Variants in PAPPA2 observed in about 807,000 individuals in gnomAD.
PAPPA2 encodes the protein pappalysin-2.
A neutral mutation model predicts 176.4 loss-of-function variants in PAPPA2; 86 were observed. The observed-to-expected ratio is 0.49, with a 90% CI of 0.41 to 0.58. The LOEUF (loss-of-function observed/expected upper bound fraction) is 0.58. PAPPA2 is among the 20% of genes least tolerant of loss of function. The probability of loss-of-function intolerance (pLI) is 0.00; values close to 1 mark genes in which losing one functional copy is unlikely to be tolerated. For synonymous variants in PAPPA2, 809 were observed against 852.2 expected, an observed-to-expected ratio of 0.95 and a Z score of 0.88; for missense variants, 2,073 against 2,256.9, an observed-to-expected ratio of 0.92 and a Z score of 1.65.
intron 12 of PAPPA2, among the ~76,000 whole-genome samples, chr1:176,720,344 C>A (rs1033358281): frequency 6.6e-6 from 1 of 151,826 alleles, no homozygotes; most frequent in Non-Finnish European, 1.5e-5. Flanking sequence ...TTTAACTTTT[C>A]TTTGTAATCA....
chr1:176,794,636 C>G (rs1665343172), intron 20 of PAPPA2, among the ~76,000 whole-genome samples: 1 of 152,116 alleles, frequency 6.6e-6, no homozygotes, highest in East Asian at 1.9e-4. Context: ...GAACTAATGG[C>G]TATTCACTGT....
intron 2 of PAPPA2, among the ~76,000 whole-genome samples, chr1:176,564,426 A>G (rs1651843212): frequency 1.3e-5 from 2 of 152,332 alleles, no homozygotes; most frequent in African/African-American, 4.8e-5. Context: ...ATGTAAACAC[A>G]TTTCTATGCC....
At chr1:176,487,165 C>A (rs1652682117) in intron 1 of PAPPA2, among the ~76,000 whole-genome samples, 1 of 151,054 alleles carries the variant, frequency 6.6e-6, no homozygotes, top group South Asian at 2.1e-4. Flanking sequence ...TATTAAGAAT[C>A]AGCAAAATAA....
chr1:176,734,456 C>T (rs1181524745), intron 12 of PAPPA2, among the ~76,000 whole-genome samples: 1 of 151,710 alleles, frequency 6.6e-6, no homozygotes, highest in South Asian at 2.1e-4. Flanking sequence ...CTTTCTTATA[C>T]TATGAAGGAA....
chr1:176,530,922 AC>A (rs1649774708), intron 1 of PAPPA2, among the ~76,000 whole-genome samples: 1 of 152,166 alleles, frequency 6.6e-6, no homozygotes, highest in Admixed American at 6.5e-5. Flanking sequence ...TTTTATCCCT[AC>A]ATTTGTACAT....
chr1:176,705,098 A>C (rs1431463434), intron 9 of PAPPA2, among the ~76,000 whole-genome samples: 1 of 152,168 alleles, frequency 6.6e-6, no homozygotes, highest in Non-Finnish European at 1.5e-5. Flanking sequence ...ATGAAGGTTA[A>C]TCCTCTCTCC....
chr1:176,586,651 C>G (rs1653329180), intron 2 of PAPPA2, among the ~76,000 whole-genome samples: 1 of 152,208 alleles, frequency 6.6e-6, no homozygotes. Flanking sequence ...CATAGTATTC[C>G]ATGGTGTATA....
chr1:176,795,448 A>G (rs1452681135), intron 20 of PAPPA2, among the ~76,000 whole-genome samples: 1 of 152,196 alleles, frequency 6.6e-6, no homozygotes, highest in Non-Finnish European at 1.5e-5. Flanking sequence ...TGTTAAGTTG[A>G]ATTTTTATGA....
intron 3 of PAPPA2, among the ~76,000 whole-genome samples, chr1:176,642,201 A>G (rs953676610): frequency 6.6e-6 from 1 of 151,948 alleles, no homozygotes; most frequent in African/African-American, 2.4e-5. Flanking sequence ...AGGCATGATT[A>G]TTAGTTGTCT....
At chr1:176,542,566 C>G (rs1402638497) in intron 1 of PAPPA2, among the ~76,000 whole-genome samples, 1 of 152,216 alleles carries the variant, frequency 6.6e-6, no homozygotes, top group African/African-American at 2.4e-5. Context: ...GTCTACCAAG[C>G]CTGCCCCCTC....
At chr1:176,466,281 A>G (rs1023459698) in intron 1 of PAPPA2, among the ~76,000 whole-genome samples, 1 of 152,156 alleles carries the variant, frequency 6.6e-6, no homozygotes, top group Non-Finnish European at 1.5e-5. Flanking sequence ...GCTACTGTGG[A>G]AGGATTCTTG....
intron 3 of PAPPA2, among the ~76,000 whole-genome samples, chr1:176,622,284 A>G (rs1047607975): frequency 6.6e-6 from 1 of 152,220 alleles, no homozygotes; most frequent in Non-Finnish European, 1.5e-5. Context: ...TAAATATTTT[A>G]CATTTATTTC....
At chr1:176,599,151 GTA>G (rs1284878195) in intron 3 of PAPPA2, among the ~76,000 whole-genome samples, 2 of 150,640 alleles carry the variant, frequency 1.3e-5, no homozygotes, top group Non-Finnish European at 1.5e-5. Context: ...GTGTGTGTGT[GTA>G]TATATATATA....
At chr1:176,485,683 C>T (rs1489578533) in intron 1 of PAPPA2, among the ~76,000 whole-genome samples, 1 of 152,024 alleles carries the variant, frequency 6.6e-6, no homozygotes, top group Non-Finnish European at 1.5e-5. Flanking sequence ...TTTATTTTGC[C>T]ACTGATGCAT....
chr1:176,680,373 T>C (rs1659523788), intron 4 of PAPPA2, among the ~76,000 whole-genome samples: 1 of 152,202 alleles, frequency 6.6e-6, no homozygotes, highest in South Asian at 2.1e-4. Context: ...TTTTATACTA[T>C]TGTAACATAT....
intron 1 of PAPPA2, among the ~76,000 whole-genome samples, chr1:176,499,630 C>G (rs1224517919): frequency 1.3e-5 from 2 of 152,072 alleles, no homozygotes; most frequent in African/African-American, 2.4e-5. Flanking sequence ...GAGGGGAGAC[C>G]ATGGTGAACA....
chr1:176,511,180 T>A (rs1040436169), intron 1 of PAPPA2, among the ~76,000 whole-genome samples: 3 of 152,218 alleles, frequency 2.0e-5, no homozygotes, highest in African/African-American at 7.2e-5. Context: ...AATAAAAGGA[T>A]GGAAAAAATA....
chr1:176,545,820 C>T (rs1650605324), intron 1 of PAPPA2, among the ~76,000 whole-genome samples: 1 of 152,142 alleles, frequency 6.6e-6, no homozygotes, highest in Admixed American at 6.6e-5. Flanking sequence ...CTTTTTCAGT[C>T]ATAATTATTT....
chr1:176,799,187 C>T (rs942276302), intron 20 of PAPPA2, among the ~76,000 whole-genome samples: 11 of 152,090 alleles, frequency 7.2e-5, no homozygotes, highest in Admixed American at 1.3e-4. Flanking sequence ...ATGGAGAGAA[C>T]CTTCTTTTCT....
Sources: allele counts gnomAD v4.1 joint callset (sites outside exome capture counted in the v4.1 genomes callset), GRCh38; gene constraint gnomAD v4.1.1; transcripts MANE v1.5; gene names NCBI Gene and HGNC (gene_info 2026-07-23, HGNC 2026-07-21).